SUGCT: variants seen among roughly 807,000 people sequenced by gnomAD.
The protein encoded by SUGCT is succinyl-CoA:glutarate CoA-transferase.
SUGCT carries 41 observed loss-of-function variants against 55.0 expected under a neutral mutation model. The ratio of observed to expected loss-of-function variants is 0.74; its 90% confidence interval spans 0.58 to 0.97. The LOEUF is 0.97. SUGCT is among the 50% of genes least tolerant of loss of function. SUGCT has a pLI of 0.00. For synonymous variants in SUGCT, 187 were observed against 200.4 expected, an observed-to-expected ratio of 0.93 and a Z score of 0.56; for missense variants, 568 against 547.8, an observed-to-expected ratio of 1.04 and a Z score of -0.37.
chr7:40,837,981 C>T (rs1400133233), intron 13 of SUGCT, among the ~76,000 whole-genome samples: 2 of 152,164 alleles, frequency 1.3e-5, no homozygotes, highest in Non-Finnish European at 2.9e-5. Flanking sequence ...GATGGTCAGT[C>T]GCTCTAGCAC....
At chr7:40,909,405 G>C in the SUGCT span, among the ~76,000 whole-genome samples, 3 of 152,090 alleles carry the variant, frequency 2.0e-5, no homozygotes, top group Non-Finnish European at 4.4e-5. Context: ...GTCACCCCGG[G>C]GTTCGCTAGG....
chr7:40,568,644 G>A (rs889058813), intron 12 of SUGCT, among the ~76,000 whole-genome samples: 1 of 152,192 alleles, frequency 6.6e-6, no homozygotes, highest in Non-Finnish European at 1.5e-5. Flanking sequence ...CAGACATCTT[G>A]CTGGAAAATG....
chr7:40,771,427 A>C (rs1382095267), intron 13 of SUGCT, among the ~76,000 whole-genome samples: 1 of 151,844 alleles, frequency 6.6e-6, no homozygotes, highest in Non-Finnish European at 1.5e-5. Context: ...ATTTTCTAGC[A>C]TTTTTTTTCT....
the SUGCT span, among the ~76,000 whole-genome samples, chr7:41,025,260 C>T: frequency 0.028 from 4,189 of 152,090 alleles, 198 homozygotes; most frequent in African/African-American, 0.095. Context: ...AGAAATATGG[C>T]AATATGCCAA....
At chr7:40,779,491 A>C (rs1562999221) in intron 13 of SUGCT, among the ~76,000 whole-genome samples, 1 of 152,146 alleles carries the variant, frequency 6.6e-6, no homozygotes, top group Non-Finnish European at 1.5e-5. Flanking sequence ...GGTCAGCACA[A>C]ACATTATACA....
intron 13 of SUGCT, among the ~76,000 whole-genome samples, chr7:40,789,320 T>C (rs1254051548): frequency 6.6e-6 from 1 of 152,154 alleles, no homozygotes. Context: ...ATTTTGTGAA[T>C]TTGACTATTT....
Position 40,582,412 on chromosome 7 carries a change from G to A in SUGCT, c.1089+86026G>A, listed in dbSNP as rs527792892. On this transcript the variant is annotated intron_variant, in intron 12 of 13. Transcript: ENST00000335693. ...TATTTCACAGGCAGAACTGAAATGAGTCAATATTTTGCCACTACACTATTA... is the reference window on the plus strand; with the variant it reads ...TATTTCACAGGCAGAACTGAAATGAATCAATATTTTGCCACTACACTATTA... Among the ~76,000 whole-genome samples the A allele has an allele frequency of 5.3e-5, 8 of 152,232 alleles. No individual in the cohort carries two copies. In the South Asian group the frequency reaches 1.7e-3, roughly 32 times the overall value.
chr7:40,310,562 T>A (rs1192340966), intron 8 of SUGCT, among the ~76,000 whole-genome samples: 1 of 152,186 alleles, frequency 6.6e-6, no homozygotes, highest in Admixed American at 6.5e-5. Flanking sequence ...TATAGGATGG[T>A]AATAACAGGG....
At chr7:40,802,054 C>CT (rs77975324) in intron 13 of SUGCT, among the ~76,000 whole-genome samples, 25,290 of 151,332 alleles carry the variant, frequency 0.17, 2,558 homozygotes, top group East Asian at 0.42. Flanking sequence ...AGAACAGACT[C>CT]TTTTTTTTCC....
intron 12 of SUGCT, among the ~76,000 whole-genome samples, chr7:40,686,416 A>C (rs1784467966): frequency 6.6e-6 from 1 of 152,220 alleles, no homozygotes; most frequent in Admixed American, 6.5e-5. Flanking sequence ...ACATTAATCT[A>C]TATATATAAA....
At chr7:40,960,733 T>C in the SUGCT span, among the ~76,000 whole-genome samples, 1 of 152,228 alleles carries the variant, frequency 6.6e-6, no homozygotes, top group Non-Finnish European at 1.5e-5. Flanking sequence ...AAATGAGAAA[T>C]ATTTCATATA....
At chr7:40,340,692 C>T (rs1170342642) in intron 9 of SUGCT, among the ~76,000 whole-genome samples, 1 of 152,082 alleles carries the variant, frequency 6.6e-6, no homozygotes, top group Admixed American at 6.5e-5. Context: ...AAATAAGGAG[C>T]CAGTCCGGCT....
intron 13 of SUGCT, among the ~76,000 whole-genome samples, chr7:40,859,576 A>G (rs1794382772): frequency 6.6e-6 from 1 of 152,220 alleles, no homozygotes; most frequent in Non-Finnish European, 1.5e-5. Context: ...AATCATAGTA[A>G]CCAACAAGTT....
chr7:40,153,262 C>A, intron 1 of SUGCT: 1 of 400,638 alleles, frequency 2.5e-6, no homozygotes, highest in Non-Finnish European at 4.8e-6. Context: ...CTGATGAAAG[C>A]AAAAAAGAAG....
the SUGCT span, among the ~76,000 whole-genome samples, chr7:40,877,243 G>A: frequency 2.6e-5 from 4 of 152,104 alleles, no homozygotes. Context: ...AAACAATTTA[G>A]CAAGTGCTAA....
chr7:40,677,789 C>T (rs1784069126), intron 12 of SUGCT, among the ~76,000 whole-genome samples: 1 of 152,060 alleles, frequency 6.6e-6, no homozygotes, highest in Non-Finnish European at 1.5e-5. Flanking sequence ...CATAATATAC[C>T]CCCAAATGTA....
rs147383424 is a variant in SUGCT, at chr7:40,626,311, C to T, written c.1090-123123C>T. ...TCACTCTGTCACCCAGGCTGGAGTGCGGTGGTGTGATCTTGGCTCACTACA... is the reference window on the plus strand; with the variant it reads ...TCACTCTGTCACCCAGGCTGGAGTGTGGTGGTGTGATCTTGGCTCACTACA... On this transcript the variant is annotated intron_variant, in intron 12 of 13. Coordinates refer to ENST00000335693, the MANE Select transcript of SUGCT (RefSeq NM_001193313.2). 5.2e-3 allele frequency among the ~76,000 whole-genome samples: 793 copies of T among 151,626 alleles called. 9 individuals are homozygous for T. Among genetic ancestry groups the T allele is most frequent in the African/African-American group, 0.018 (756 of 41,292 alleles).
chr7:40,823,026 A>G (rs1038828944), intron 13 of SUGCT, among the ~76,000 whole-genome samples: 1 of 152,126 alleles, frequency 6.6e-6, no homozygotes, highest in Non-Finnish European at 1.5e-5. Context: ...AAAAAGCCAC[A>G]AGCATGCCTT....
At chr7:40,593,973 C>T (rs1438067881) in intron 12 of SUGCT, among the ~76,000 whole-genome samples, 1 of 152,170 alleles carries the variant, frequency 6.6e-6, no homozygotes, top group Non-Finnish European at 1.5e-5. Context: ...GGCACATATA[C>T]ACCATGGAAT....
Sources: gnomAD v4.1 joint callset for allele counts (sites outside exome capture counted in the v4.1 genomes callset) on GRCh38, gnomAD v4.1.1 for gene constraint, MANE v1.5 for transcripts, NCBI Gene and HGNC (gene_info 2026-07-23, HGNC 2026-07-21) for gene names.